The following AFAP1L1 variants were observed in gnomAD, a reference collection of about 807,000 sequenced individuals.
AFAP1L1 encodes actin filament associated protein 1 like 1, also known as actin filament-associated protein 1-like 1.
In AFAP1L1, 77 loss-of-function variants were observed where a neutral mutation model predicts 99.8. The ratio of observed to expected loss-of-function variants is 0.77; its 90% CI spans 0.64 to 0.93. The LOEUF is 0.93. Among genes scored for constraint, AFAP1L1 ranks in the 40% least tolerant of loss-of-function variants. The pLI, the probability that AFAP1L1 is intolerant of heterozygous loss-of-function variation, is 0.00. For missense variants in AFAP1L1, 893 were observed against 996.8 expected, an observed-to-expected ratio of 0.90 and a Z score of 1.40; for synonymous variants, 373 against 395.3, an observed-to-expected ratio of 0.94 and a Z score of 0.67.
intron 1 of AFAP1L1, among the ~76,000 whole-genome samples, chr5:149,279,045 T>C (rs1288769908): frequency 1.3e-5 from 2 of 152,230 alleles, no homozygotes; most frequent in African/African-American, 4.8e-5. Flanking sequence ...GCTCATCTTA[T>C]TCACCACCAA....
chr5:149,305,817 C>T (rs1024810626), intron 5 of AFAP1L1, among the ~76,000 whole-genome samples: 2 of 151,968 alleles, frequency 1.3e-5, no homozygotes, highest in African/African-American at 2.4e-5. Context: ...AGGGAGGTCT[C>T]AGCCCAAGCA....
chr5:149,316,711 T>G (rs1269472917), intron 11 of AFAP1L1, among the ~76,000 whole-genome samples: 1 of 152,210 alleles, frequency 6.6e-6, no homozygotes, highest in Non-Finnish European at 1.5e-5. Context: ...TTAGGTACTT[T>G]TTATTAAAAA....
At chr5:149,283,435 C>T (rs960241181) in intron 1 of AFAP1L1, among the ~76,000 whole-genome samples, 3 of 151,764 alleles carry the variant, frequency 2.0e-5, no homozygotes, top group African/African-American at 7.3e-5. Flanking sequence ...CTGACAGCAC[C>T]GAAGCCAAAA....
chr5:149,313,343 C>A (rs1744320654), intron 9 of AFAP1L1, among the ~76,000 whole-genome samples: 1 of 152,142 alleles, frequency 6.6e-6, no homozygotes, highest in South Asian at 2.1e-4. Context: ...ACGATGTAAT[C>A]GAGGCTAGTA....
chr5:149,274,378 G>A (rs530826514), intron 1 of AFAP1L1, among the ~76,000 whole-genome samples: 12 of 152,140 alleles, frequency 7.9e-5, no homozygotes, highest in South Asian at 2.1e-4. Context: ...CAAGTAATCA[G>A]TTTGAGAATA....
chr5:149,320,459 T>C lies in AFAP1L1; in HGVS notation c.1694T>C (p.Met565Thr). 1 of 1,614,236 alleles carries C rather than the reference T, an allele frequency of 6.2e-7. No individual in the cohort carries two copies. The highest frequency in any genetic ancestry group is 2.2e-5 in the East Asian group (1 of 44,888). ...TATGATGATGTTCCTTATGAAAAGA[T>C]GCAGGTACAGTCCCTTGGGGCTGCC... Reference protein sequence around the residue: ...RVYDDVPYEKMQDEEPERPTG... With the variant: ...RVYDDVPYEKTQDEEPERPTG... The change falls in exon 14 of 19, where the codon ATG becomes ACG. Residue 565 changes from methionine to threonine, a missense_variant. By Grantham distance (81) the Met-to-Thr change is moderately conservative (BLOSUM62 -1). Coordinates refer to ENST00000296721, the MANE Select transcript of AFAP1L1 (RefSeq NM_152406.4). This position sits in a 1 kb window ranked among gnomAD's most constrained non-coding sequence, Gnocchi z 4.0.
At chr5:149,319,127 C>A (rs923819566) in intron 12 of AFAP1L1, among the ~76,000 whole-genome samples, 10 of 152,172 alleles carry the variant, frequency 6.6e-5, no homozygotes, top group African/African-American at 2.2e-4. Flanking sequence ...AGCTGACTGG[C>A]AACTTCTTGG....
intron 6 of AFAP1L1, 98 bp from the exon 7 acceptor site, chr5:149,307,304 C>A: frequency 1.5e-6 from 2 of 1,318,876 alleles, no homozygotes; most frequent in South Asian, 2.5e-5. Context: ...CCCATGCCTT[C>A]CTAGCCTCAG....
chr5:149,335,548 G>A, intron 17 of AFAP1L1, 46 bp from the exon 18 acceptor site: 1 of 1,598,734 alleles, frequency 6.3e-7, no homozygotes, highest in Non-Finnish European at 8.5e-7. Flanking sequence ...TGTGTAGGTA[G>A]CCATCACCAG....
intron 1 of AFAP1L1, among the ~76,000 whole-genome samples, chr5:149,283,593 T>C (rs1755588204): frequency 6.6e-6 from 1 of 152,212 alleles, no homozygotes; most frequent in South Asian, 2.1e-4. Context: ...TGTTGTTCAA[T>C]ATGAAAATAT....
chr5:149,280,438 A>G (rs1755480362), intron 1 of AFAP1L1, among the ~76,000 whole-genome samples: 1 of 150,432 alleles, frequency 6.6e-6, no homozygotes, highest in South Asian at 2.1e-4. Flanking sequence ...ACCCACAAAG[A>G]TTTGATCAGT....
chr5:149,301,074 C>T, intron 3 of AFAP1L1, 59 bp from the exon 4 acceptor site: 1 of 1,522,148 alleles, frequency 6.6e-7, no homozygotes. Context: ...CAGCCCTCTT[C>T]CCCTGGTCTG....
At chr5:149,287,981 A>C (rs1157538912) in intron 1 of AFAP1L1, among the ~76,000 whole-genome samples, 2 of 152,096 alleles carry the variant, frequency 1.3e-5, no homozygotes, top group Non-Finnish European at 1.5e-5. Flanking sequence ...AGATAGCTTT[A>C]TTATTATTGA....
At chr5:149,322,198 T>C (rs1756970003) in intron 14 of AFAP1L1, among the ~76,000 whole-genome samples, 1 of 152,252 alleles carries the variant, frequency 6.6e-6, no homozygotes, top group Non-Finnish European at 1.5e-5. Context: ...GTTATGTCAC[T>C]TCTATCACTG....
chr5:149,303,929 A>G (rs1436757945), intron 5 of AFAP1L1, among the ~76,000 whole-genome samples: 1 of 152,188 alleles, frequency 6.6e-6, no homozygotes, highest in Non-Finnish European at 1.5e-5. Context: ...CATTTAGTAC[A>G]TTCAGTACAT....
intron 15 of AFAP1L1, 120 bp from the exon 16 acceptor site, chr5:149,329,546 G>C: frequency 9.6e-7 from 1 of 1,040,500 alleles, no homozygotes; most frequent in Non-Finnish European, 1.4e-6. Context: ...TAAGGGACTA[G>C]GTCTAAATAT....
intron 1 of AFAP1L1, among the ~76,000 whole-genome samples, chr5:149,274,899 A>AG (rs1755263500): frequency 1.3e-5 from 2 of 151,860 alleles, no homozygotes; most frequent in East Asian, 1.9e-4. Context: ...AAAAAAAAAA[A>AG]AAAGTATTCC....
intron 1 of AFAP1L1, among the ~76,000 whole-genome samples, chr5:149,285,744 T>C (rs142197656): frequency 1.3e-4 from 20 of 152,320 alleles, no homozygotes; most frequent in African/African-American, 4.3e-4. Context: ...TCCTGATCCA[T>C]GTCTGCTCCC....
At chr5:149,286,520 C>T (rs964177516) in intron 1 of AFAP1L1, among the ~76,000 whole-genome samples, 2 of 152,150 alleles carry the variant, frequency 1.3e-5, no homozygotes, top group Non-Finnish European at 2.9e-5. Flanking sequence ...TTTTCTGATT[C>T]CTTGATCACA....
Sources: gnomAD v4.1 joint callset for allele counts (sites outside exome capture counted in the v4.1 genomes callset) on GRCh38, gnomAD v4.1.1 for gene constraint, Gnocchi (gnomAD v3.1) non-coding constraint, MANE v1.5 for transcripts, NCBI Gene and HGNC (gene_info 2026-07-23, HGNC 2026-07-21) for gene names.